The following CFAP99 variants were observed in gnomAD, a reference collection of about 807,000 sequenced individuals.
CFAP99 encodes cilia- and flagella-associated protein 99.
Under a neutral mutation model 82.7 loss-of-function variants are expected in CFAP99, and 84 were observed. That is an observed-to-expected ratio of 1.02 (90% confidence interval 0.85 to 1.22). CFAP99 has a LOEUF of 1.22. Among genes scored for constraint, CFAP99 ranks in the 50% most tolerant of loss-of-function variants. The pLI is 0.00. For synonymous variants in CFAP99, 456 were observed against 429.5 expected (o/e 1.06, Z -0.76); for missense variants, 1,059 against 983.5 (o/e 1.08, Z -1.03).
At chr4:2,449,986 C>T in exon 8 of CFAP99, 1 of 1,536,154 alleles carries the variant, frequency 6.5e-7, no homozygotes, top group Non-Finnish European at 8.7e-7. Flanking sequence ...ATGCCCAGGT[C>T]CTGCAGGGAG....
Position 2,448,740 on chromosome 4 carries a change from A to G in CFAP99, c.643-930A>G, listed in dbSNP as rs1734225597. ...AGGAGGGGCTGGAGTGGAGTGAGGC[A>G]GGGAAGAGGGAAGGCGGGGTACCGG... is the stretch of plus-strand genomic sequence containing the variant. On this transcript the variant is annotated intron_variant, in intron 6 of 14. Coordinates refer to ENST00000635017, the Ensembl canonical transcript of CFAP99. This position sits in a 1 kb window ranked among gnomAD's most constrained non-coding sequence, Gnocchi z 5.2. Among the ~76,000 whole-genome samples the G allele has an allele frequency of 6.6e-6, 1 of 152,192 alleles. No homozygotes were observed. The highest frequency in any genetic ancestry group is 2.1e-4 in the South Asian group (1 of 4,830).
chr4:2,421,061 G>T (rs1733574164), intron 1 of CFAP99, among the ~76,000 whole-genome samples: 1 of 152,222 alleles, frequency 6.6e-6, no homozygotes, highest in Admixed American at 6.5e-5. Flanking sequence ...GGAGGAAAGG[G>T]GTAGTGGAGA....
intron 11 of CFAP99, among the ~76,000 whole-genome samples, chr4:2,456,372 G>GA (rs34968894): frequency 0.23 from 35,203 of 151,640 alleles, 4,207 homozygotes; most frequent in South Asian, 0.29. Flanking sequence ...AATGGGGCTG[G>GA]AAAGGATATA....
Position 2,426,907 on chromosome 4 carries a change from G to C in CFAP99, c.111+321G>C, listed in dbSNP as rs905763520. ...CCATGCCCCACCCCCACTTTGGGGG[G>C]CATCTTATCTCGGGAAATGGGTCCT... is the stretch of plus-strand genomic sequence containing the variant. On this transcript the variant is annotated intron_variant, in intron 2 of 14. Transcript: ENST00000635017. The C allele has an allele frequency of 1.0e-5, 3 of 301,006 alleles. No individual in the cohort carries two copies. In the South Asian group the frequency reaches 1.3e-4, roughly 14 times the overall value. 18.6% of individuals were successfully genotyped at this position (301,006 alleles called of 1,614,324 possible).
chr4:2,445,183 A>T, exon 6 of CFAP99: 3 of 1,431,916 alleles, frequency 2.1e-6, no homozygotes, highest in Non-Finnish European at 2.7e-6. Flanking sequence ...CGTGTCTGCC[A>T]GTCAATCCTC....
intron 4 of CFAP99, among the ~76,000 whole-genome samples, chr4:2,442,148 T>C (rs1242324553): frequency 6.6e-6 from 1 of 151,650 alleles, no homozygotes; most frequent in Non-Finnish European, 1.5e-5. Context: ...AGTGTGGGGA[T>C]GGGGTTTGGA....
chr4:2,462,966 C>T (rs1446551516), downstream of CFAP99: 10 of 1,125,092 alleles, frequency 8.9e-6, no homozygotes, highest in East Asian at 3.4e-5. The surrounding 1 kb of genome is among the most constrained non-coding windows in gnomAD (Gnocchi z 4.1). Context: ...GGGCCACCCC[C>T]TACACCCGCC....
chr4:2,426,399 G>T, intron 1 of CFAP99, 60 bp from the exon 2 acceptor site: 1 of 1,055,638 alleles, frequency 9.5e-7, no homozygotes, highest in Non-Finnish European at 1.4e-6. Flanking sequence ...TCGCTGCTGG[G>T]GAGGGTCCTG....
At chr4:2,429,388 T>C in intron 2 of CFAP99, 1 of 152,264 alleles carries the variant, frequency 6.6e-6, no homozygotes, top group East Asian at 1.9e-4. Context: ...GAGACTAATA[T>C]GTTACCTGGT....
chr4:2,438,091 T>G, exon 4 of CFAP99: 2 of 1,535,050 alleles, frequency 1.3e-6, no homozygotes, highest in Non-Finnish European at 1.7e-6. Flanking sequence ...CTAGCCACAT[T>G]CCTGCTGGAG....
chr4:2,462,745 C>T lies in CFAP99; in HGVS notation c.1964C>T (p.Ala655Val). 1.6e-6 allele frequency: 2 copies of T among 1,242,260 alleles called. No homozygotes were observed. Among genetic ancestry groups the T allele is most frequent in the East Asian group, 3.4e-5 (1 of 29,848 alleles). The allele number at this position is 1,242,260 out of a possible 1,614,324, so 77.0% of individuals were successfully genotyped here. A position where few individuals can be genotyped will look rare whatever the true frequency, so the allele number is the denominator to read the frequency against. Residue 655 changes from alanine (A) to valine (V), a missense_variant, in exon 15 of 15, where the codon GCA becomes GTA. Ala to Val is a moderately conservative substitution (Grantham distance 64, BLOSUM62 0). Coordinates refer to ENST00000635017, the Ensembl canonical transcript of CFAP99. This position sits in a 1 kb window ranked among gnomAD's most constrained non-coding sequence, Gnocchi z 4.1. The stretch of plus-strand genomic sequence containing the variant: ...GTCCGGTCCGCGGCCGGGAGATACG[C>T]AGCGGCGGGCGCGGGAGGCGGTGGG...
rs146154713 is a variant in CFAP99 at position 2,446,368 on chromosome 4, G to GTTATTA, written c.642+1096_642+1101dup. Among the ~76,000 whole-genome samples, 1,119 of 148,466 alleles carry GTTATTA rather than the reference G, an allele frequency of 7.5e-3. 16 individuals are homozygous for GTTATTA. The highest frequency in any genetic ancestry group is 0.038 in the East Asian group (191 of 5,062). ...CTTTTTATTTCATTTTATTATTGTT[G>GTTATTA]TTATTATTATTATTATTATTATTAT... On this transcript the variant is annotated intron_variant, in intron 6 of 14. Coordinates refer to ENST00000635017, the Ensembl canonical transcript of CFAP99. This position sits in a 1 kb window ranked among gnomAD's most constrained non-coding sequence, Gnocchi z 5.0.
At chr4:2,434,942 G>C (rs1733877924) in intron 2 of CFAP99, among the ~76,000 whole-genome samples, 1 of 152,052 alleles carries the variant, frequency 6.6e-6, no homozygotes, top group African/African-American at 2.4e-5. Context: ...GGCCCCACAA[G>C]GTCATGTGGC....
intron 11 of CFAP99, 73 bp from the exon 12 acceptor site, chr4:2,458,650 C>G: frequency 1.4e-6 from 2 of 1,479,854 alleles, no homozygotes; most frequent in Non-Finnish European, 1.8e-6. Flanking sequence ...ATGCTGCGCC[C>G]TGGGCTGGGG....
chr4:2,435,433 T>G (rs1038447354), intron 2 of CFAP99, among the ~76,000 whole-genome samples: 3 of 152,122 alleles, frequency 2.0e-5, no homozygotes, highest in Non-Finnish European at 4.4e-5. Context: ...ATTAAAAACT[T>G]ACAACAAATA....
intron 4 of CFAP99, among the ~76,000 whole-genome samples, chr4:2,439,583 C>A (rs553784923): frequency 1.3e-5 from 2 of 152,220 alleles, no homozygotes; most frequent in African/African-American, 4.8e-5. Context: ...CAGCCCCGAG[C>A]CAGCACTGTA....
intron 4 of CFAP99, among the ~76,000 whole-genome samples, chr4:2,442,056 G>C (rs907902982): frequency 2.0e-4 from 31 of 152,298 alleles, no homozygotes; most frequent in Admixed American, 1.8e-3. Flanking sequence ...TTCCGGGTAG[G>C]GCTGTCCCAC....
Position 2,462,793 on chromosome 4 carries a change from C to T in CFAP99, c.2012C>T (p.Ala671Val). 7.7e-7 allele frequency: 1 copy of T among 1,290,916 alleles called. No individual in the cohort carries two copies. The highest frequency in any genetic ancestry group is 9.8e-7 in the Non-Finnish European group (1 of 1,021,702). 80.0% of individuals were successfully genotyped at this position (1,290,916 alleles called of 1,614,324 possible). A position where few individuals can be genotyped will look rare whatever the true frequency, so the allele number is the denominator to read the frequency against. The change falls in exon 15 of 15, where the codon GCG becomes GTG. Residue 671 changes from alanine (A) to valine (V), a missense_variant. Physicochemically the swap from Ala to Val is moderately conservative, Grantham distance 64. Coordinates refer to ENST00000635017, the Ensembl canonical transcript of CFAP99. This position sits in a 1 kb window ranked among gnomAD's most constrained non-coding sequence, Gnocchi z 4.1. ...GGGGGCGTCCCTGCCCGCGCCGACG[C>T]GTTCCCCGGCCTGCAGGCGCAGCTA...
At chr4:2,433,795 G>T (rs1339567456) in intron 2 of CFAP99, among the ~76,000 whole-genome samples, 1 of 152,228 alleles carries the variant, frequency 6.6e-6, no homozygotes, top group Admixed American at 6.5e-5. Context: ...CGAGTATGCC[G>T]GGAGGAGTTC....
Sources: allele counts gnomAD v4.1 joint callset (sites outside exome capture counted in the v4.1 genomes callset), GRCh38; gene constraint gnomAD v4.1.1; non-coding constraint Gnocchi (gnomAD v3.1); transcripts MANE v1.5; gene names NCBI Gene and HGNC (gene_info 2026-07-23, HGNC 2026-07-21).